BTBD2: variants seen among roughly 807,000 people sequenced by gnomAD.
BTBD2 encodes BTB/POZ domain-containing protein 2.
In BTBD2, 15 loss-of-function variants were observed where a neutral mutation model predicts 44.0. That is an observed-to-expected ratio of 0.34 (90% confidence interval 0.23 to 0.53). The LOEUF is 0.53. Among genes scored for constraint, BTBD2 ranks in the 20% least tolerant of loss-of-function variants. The pLI, the probability that BTBD2 is intolerant of heterozygous loss-of-function variation, is 0.95. For missense variants in BTBD2, 657 were observed against 746.4 expected (o/e 0.88, Z 1.39); for synonymous variants, 443 against 335.9 (o/e 1.32, Z -3.49).
At chr19:1,996,737 G>C (rs775263435) in intron 2 of BTBD2, among the ~76,000 whole-genome samples, 1 of 151,866 alleles carries the variant, frequency 6.6e-6, no homozygotes, top group East Asian at 1.9e-4. Context: ...ACACACAAAT[G>C]AGCTGGGTGT....
At chr19:1,992,955 C>T in intron 3 of BTBD2, 65 bp downstream of exon 3, 1 of 721,610 alleles carries the variant, frequency 1.4e-6, no homozygotes. Flanking sequence ...CCTCGGTCCG[C>T]CCCACCCCGG....
At position 1,987,730 on chromosome 19, in the gene BTBD2, C is replaced by T. The variant is rs779634606; in HGVS notation, c.989-38G>A. On this transcript the variant is annotated intron_variant, in intron 5 of 8. Coordinates refer to ENST00000255608, the MANE Select transcript of BTBD2 (RefSeq NM_017797.4). ...GAGGGTGTGGGGGAGGGCCGGGCTG[C>T]ACCCCAGGATCCCGAGTGCCTGGGA... The T allele has an allele frequency of 1.8e-5, 28 of 1,541,366 alleles. No homozygotes were observed. In the Admixed American group the frequency reaches 5.0e-4, roughly 28 times the overall value.
chr19:2,014,838 G>C (rs1447477974), intron 1 of BTBD2, among the ~76,000 whole-genome samples: 1 of 151,044 alleles, frequency 6.6e-6, no homozygotes, highest in Non-Finnish European at 1.5e-5. Context: ...GGATCCCGGG[G>C]AACAGGCTGG....
chr19:1,990,282 C>T, intron 4 of BTBD2, 81 bp from the exon 5 acceptor site: 2 of 1,470,554 alleles, frequency 1.4e-6, no homozygotes, highest in South Asian at 2.5e-5. Flanking sequence ...AACGTGAGGA[C>T]CAGCAGTTAA....
intron 1 of BTBD2, among the ~76,000 whole-genome samples, chr19:2,010,701 G>A (rs1299949945): frequency 1.3e-5 from 2 of 150,846 alleles, no homozygotes; most frequent in South Asian, 2.1e-4. Flanking sequence ...GTGCAGTGGC[G>A]CAATCTTGGC....
intron 4 of BTBD2, 22 bp downstream of exon 4, chr19:1,990,695 A>C (rs772573538): frequency 1.0e-5 from 16 of 1,574,964 alleles, no homozygotes; most frequent in Non-Finnish European, 1.3e-5. Context: ...GGATTCCCAC[A>C]CCTGGGCTCC....
At chr19:2,003,794 GA>G (rs2016360338) in intron 1 of BTBD2, among the ~76,000 whole-genome samples, 1 of 109,552 alleles carries the variant, frequency 9.1e-6, no homozygotes, top group African/African-American at 2.9e-5. Context: ...AAAAGAGAAA[GA>G]AAAGAAAAGA....
rs1417202237 is a variant in BTBD2, at chr19:2,015,199, G to A, written c.407+98C>T. On this transcript the variant is annotated intron_variant, in intron 1 of 8. Transcript: ENST00000255608. ...CAGGGCTCGGGGATGGAGGGGTGCG[G>A]GGGTCTCGGGGACAGAGGGGTGCAG... The A allele has an allele frequency of 5.7e-6, 8 of 1,401,344 alleles. No homozygotes were observed. The Admixed American group carries it at 8.3e-5, about 15-fold the overall frequency. 86.8% of individuals were successfully genotyped at this position (1,401,344 alleles called of 1,614,324 possible).
At chr19:1,997,211 C>A in intron 2 of BTBD2, 133 bp downstream of exon 2, 1 of 1,366,884 alleles carries the variant, frequency 7.3e-7, no homozygotes, top group Non-Finnish European at 9.9e-7. Flanking sequence ...TCTGGAACCC[C>A]TCATTGCACA....
Position 1,986,508 on chromosome 19 carries a change from CG to C in BTBD2, c.1557del (p.Glu520ArgfsTer20), listed in dbSNP as rs1568213070. ...GCAGCCTAGGTGTAGAAGATGACCT[CG>C]GGGATCTGGCCGTCCTCCACGGATG... ...NGTSVEDGQI[P>X]EVIFYT is the part of the protein sequence containing the mutation. On this transcript the variant is annotated frameshift_variant, in exon 9 of 9. Transcript: ENST00000255608. LOFTEE classifies it high-confidence loss of function. 6.2e-7 allele frequency: 1 copy of C among 1,613,900 alleles called. No individual in the cohort carries two copies. Among genetic ancestry groups the C allele is most frequent in the Admixed American group, 1.7e-5 (1 of 60,012 alleles).
chr19:1,989,740 C>G, intron 5 of BTBD2: 1 of 525,422 alleles, frequency 1.9e-6, no homozygotes, highest in East Asian at 3.3e-5. Flanking sequence ...GGACTCCCTT[C>G]CCTCCTGGGA....
intron 1 of BTBD2, 91 bp from the exon 2 acceptor site, chr19:1,997,554 C>G: frequency 6.5e-7 from 1 of 1,549,332 alleles, no homozygotes. Flanking sequence ...GACCACCCCA[C>G]TAGGGCTCCC....
intron 1 of BTBD2, among the ~76,000 whole-genome samples, chr19:2,010,138 C>T (rs980817864): frequency 1.3e-5 from 2 of 152,124 alleles, no homozygotes; most frequent in Admixed American, 6.6e-5. Context: ...GGCAACAGAG[C>T]GAGACTCCGT....
intron 1 of BTBD2, among the ~76,000 whole-genome samples, chr19:2,012,882 G>T (rs1266900612): frequency 6.6e-6 from 1 of 152,120 alleles, no homozygotes; most frequent in African/African-American, 2.4e-5. Context: ...CAAACAGAAA[G>T]CCTGGGATTC....
rs1364037703 is a variant in BTBD2, at chr19:1,985,749, C to T, written c.*739G>A. 1 of 152,610 alleles carries T rather than the reference C, an allele frequency of 6.6e-6. No homozygotes were observed. Among genetic ancestry groups the T allele is most frequent in the Non-Finnish European group, 1.5e-5 (1 of 68,380 alleles). The allele number at this position is 152,610 out of a possible 1,614,324, so 9.5% of individuals were successfully genotyped here. Reference sequence around the variant, plus strand: ...GAGCTCTGGGGCACAGGGTCTGAGTCCCATCTTGGGCTGCAGGGACCGCGA... The same window carrying T: ...GAGCTCTGGGGCACAGGGTCTGAGTTCCATCTTGGGCTGCAGGGACCGCGA... On this transcript the variant is annotated 3_prime_UTR_variant, in exon 9 of 9. Coordinates refer to ENST00000255608, the MANE Select transcript of BTBD2 (RefSeq NM_017797.4).
chr19:1,990,299 G>T, intron 4 of BTBD2, 98 bp from the exon 5 acceptor site: 1 of 1,388,614 alleles, frequency 7.2e-7, no homozygotes, highest in Non-Finnish European at 9.8e-7. Flanking sequence ...TTAAAGCCGG[G>T]CTGGCAACTA....
chr19:1,990,463 T>TCAAAGC, intron 4 of BTBD2: 1 of 610,350 alleles, frequency 1.6e-6, no homozygotes, highest in Non-Finnish European at 2.9e-6. Context: ...AACAGCAAAG[T>TCAAAGC]CAAAGCCATG....
rs1321304730 is a variant in BTBD2, at chr19:1,997,349, C to T, written c.522G>A (p.Leu174=). Residue 174 remains leucine, a synonymous_variant, in exon 2 of 9, where the codon CTG becomes CTA. Transcript: ENST00000255608. The part of the protein sequence containing the change: ...PDVEPAAFLA[L]LKFLYSDEVQ... ...GAAGCATCCGGAAGCATTACTTGAG[C>T]AGTGCGAGGAAGGCAGCGGGTTCCA... The T allele has an allele frequency of 6.2e-7, 1 of 1,614,160 alleles. No individual in the cohort carries two copies. Among genetic ancestry groups the T allele is most frequent in the South Asian group, 1.1e-5 (1 of 91,082 alleles).
At chr19:1,999,432 A>G (rs1232835581) in intron 1 of BTBD2, among the ~76,000 whole-genome samples, 2 of 152,228 alleles carry the variant, frequency 1.3e-5, no homozygotes, top group African/African-American at 2.4e-5. Context: ...GTGGGAGACC[A>G]AGGCGGGAGG....
Sources: gnomAD v4.1 joint callset for allele counts (sites outside exome capture counted in the v4.1 genomes callset) on GRCh38, gnomAD v4.1.1 for gene constraint, MANE v1.5 for transcripts, NCBI Gene and HGNC (gene_info 2026-07-23, HGNC 2026-07-21) for gene names.